OTUD4: variants seen among roughly 807,000 people sequenced by gnomAD.
OTUD4 encodes OTU deubiquitinase 4.
A neutral mutation model predicts 130.4 loss-of-function variants in OTUD4; 24 were observed. The observed-to-expected ratio is 0.18, with a 90% CI of 0.13 to 0.26. The LOEUF is 0.26. Ranked by LOEUF, OTUD4 falls within the 10% of genes least tolerant of loss-of-function variation. OTUD4 has a pLI of 1.00. For synonymous variants in OTUD4, 420 were observed against 472.5 expected (o/e 0.89, Z 1.44); for missense variants, 1,031 against 1,329.4 (o/e 0.78, Z 3.49).
At chr4:145,152,715 GTTC>G (rs1365959252) in intron 10 of OTUD4, 80 bp from the exon 11 acceptor site, 1 of 780,094 alleles carries the variant, frequency 1.3e-6, no homozygotes, top group Non-Finnish European at 2.1e-6. Context: ...GTTTTTTGCG[GTTC>G]TTTTTTTTTT....
intron 13 of OTUD4, 129 bp downstream of exon 13, chr4:145,150,384 C>A: frequency 1.8e-6 from 1 of 570,948 alleles, no homozygotes; most frequent in African/African-American, 1.8e-5. Context: ...ATACAAAATG[C>A]TCTTAATACT....
intron 1 of OTUD4, among the ~76,000 whole-genome samples, chr4:145,176,042 CTTTT>C (rs70956828): frequency 6.9e-6 from 1 of 143,952 alleles, no homozygotes; most frequent in African/African-American, 2.5e-5. Flanking sequence ...TTCTTTCTTT[CTTTT>C]TTTTTTTTCC....
chr4:145,179,064 G>T (rs1162262516), intron 1 of OTUD4, among the ~76,000 whole-genome samples: 1 of 151,460 alleles, frequency 6.6e-6, no homozygotes, highest in Non-Finnish European at 1.5e-5. Flanking sequence ...GAATAAGCTC[G>T]CTCAAAAAAA....
rs1219264284 is a variant in OTUD4 at position 145,137,096 on chromosome 4, A to G, written c.*334T>C. 2 of 193,520 alleles carry G rather than the reference A, an allele frequency of 1.0e-5. No homozygotes were observed. Among genetic ancestry groups the G allele is most frequent in the Non-Finnish European group, 2.1e-5 (2 of 95,104 alleles). 12.0% of individuals were successfully genotyped at this position (193,520 alleles called of 1,614,324 possible). ...CCAACATCTGAAATCAAACTTATAAACTTATAAGGAAAAAAGCCAAACACT... is the reference window on the plus strand; with the variant it reads ...CCAACATCTGAAATCAAACTTATAAGCTTATAAGGAAAAAAGCCAAACACT... On this transcript the variant is annotated 3_prime_UTR_variant, in exon 21 of 21. Transcript: ENST00000447906.
intron 11 of OTUD4, among the ~76,000 whole-genome samples, chr4:145,152,139 T>C (rs912994755): frequency 6.6e-6 from 1 of 152,226 alleles, no homozygotes; most frequent in Non-Finnish European, 1.5e-5. Context: ...TTTTTGTTTT[T>C]TTAAGACGAA....
At chr4:145,160,694 T>C (rs1285187038) in intron 6 of OTUD4, among the ~76,000 whole-genome samples, 1 of 152,090 alleles carries the variant, frequency 6.6e-6, no homozygotes, top group Non-Finnish European at 1.5e-5. Context: ...ACACCTGTAA[T>C]TCCAGCTACG....
At chr4:145,174,552 T>C in intron 2 of OTUD4, 109 bp downstream of exon 2, 1 of 655,082 alleles carries the variant, frequency 1.5e-6, no homozygotes, top group Non-Finnish European at 2.8e-6. Flanking sequence ...AGTGTTATTT[T>C]CATAACCCGC....
At chr4:145,171,563 A>C (rs1241020355) in intron 3 of OTUD4, 107 bp downstream of exon 3, 3 of 611,930 alleles carry the variant, frequency 4.9e-6, no homozygotes. Flanking sequence ...ATACACCGTC[A>C]CTGCAACTCC....
Position 145,155,486 on chromosome 4 carries a change from A to C in OTUD4, c.809-11T>G. ...CACGTTTTTGCTGAGCTGTTAAAAA[A>C]AAAAAGGTCAGTATAATATAAAGTT... is the stretch of plus-strand genomic sequence containing the variant. On this transcript the variant is annotated splice_polypyrimidine_tract_variant and intron_variant, in intron 9 of 20. Coordinates refer to ENST00000447906, the MANE Select transcript of OTUD4 (RefSeq NM_001366057.1). 1 of 1,608,606 alleles carries C rather than the reference A, an allele frequency of 6.2e-7. No individual in the cohort carries two copies. Among genetic ancestry groups the C allele is most frequent in the Non-Finnish European group, 8.5e-7 (1 of 1,178,312 alleles).
chr4:145,149,456 T>G (rs1019519865), intron 13 of OTUD4: 1 of 152,304 alleles, frequency 6.6e-6, no homozygotes, highest in African/African-American at 2.4e-5. Context: ...ACTAAAATAG[T>G]ATTGATAAAT....
chr4:145,137,114 CA>C lies in OTUD4; in HGVS notation c.*315del. The C allele has an allele frequency of 4.8e-6, 1 of 209,666 alleles. No individual in the cohort carries two copies. The highest frequency in any genetic ancestry group is 9.5e-6 in the Non-Finnish European group (1 of 105,546). The allele number at this position is 209,666 out of a possible 1,614,324, so 13.0% of individuals were successfully genotyped here. On this transcript the variant is annotated 3_prime_UTR_variant, in exon 21 of 21. Transcript: ENST00000447906. ...CTTATAAACTTATAAGGAAAAAAGCCAAACACTAAATCTATAATGTTTTATA... is the reference window on the plus strand; with the variant it reads ...CTTATAAACTTATAAGGAAAAAAGCCAACACTAAATCTATAATGTTTTATA...
intron 2 of OTUD4, among the ~76,000 whole-genome samples, chr4:145,172,066 G>A (rs1471227433): frequency 3.3e-5 from 5 of 152,200 alleles, no homozygotes; most frequent in Non-Finnish European, 7.3e-5. Context: ...CACTGTGTTG[G>A]GAAGACAAGC....
chr4:145,134,723 A>T lies in OTUD4; in HGVS notation c.*2707T>A. On this transcript the variant is annotated 3_prime_UTR_variant, in exon 21 of 21. Transcript: ENST00000447906. Reference sequence around the variant, plus strand: ...CACAGATGCCAGCATCCTGCTGCCAAGGAGACATGGGGCAAGAGTTGAAGA... The same window carrying T: ...CACAGATGCCAGCATCCTGCTGCCATGGAGACATGGGGCAAGAGTTGAAGA... 1 of 398,998 alleles carries T rather than the reference A, an allele frequency of 2.5e-6. No homozygotes were observed. Among genetic ancestry groups the T allele is most frequent in the Non-Finnish European group, 4.4e-6 (1 of 226,010 alleles). The allele number at this position is 398,998 out of a possible 1,614,324, so 24.7% of individuals were successfully genotyped here.
intron 13 of OTUD4, among the ~76,000 whole-genome samples, chr4:145,146,764 T>C (rs1050315880): frequency 6.6e-6 from 1 of 152,212 alleles, no homozygotes; most frequent in African/African-American, 2.4e-5. Flanking sequence ...CTGTATATAC[T>C]TGTTATACCA....
chr4:145,162,857 C>T (rs1462545467), intron 5 of OTUD4, 136 bp from the exon 6 acceptor site: 1 of 484,596 alleles, frequency 2.1e-6, no homozygotes, highest in African/African-American at 2.0e-5. Flanking sequence ...TAACCTAAAG[C>T]TTCAGTGTTG....
At position 145,141,458 on chromosome 4, in the gene OTUD4, C is replaced by G. The variant is rs767589647; in HGVS notation, c.2004G>C (p.Gly668=). 6.2e-7 allele frequency: 1 copy of G among 1,613,402 alleles called. No individual in the cohort carries two copies. Among genetic ancestry groups the G allele is most frequent in the Admixed American group, 1.7e-5 (1 of 59,996 alleles). ...GATCTCCCTTTTCATTACAAGGAAA[C>G]CCAGGATAGAGTGGGTCTTGATAAA... is the stretch of plus-strand genomic sequence containing the variant. ...LSLYQDPLYP[G]FPCNEKGDRA... is the part of the protein sequence containing the mutation. The change falls in exon 19 of 21, where the codon GGG becomes GGC. Residue 668 remains glycine (G), a synonymous_variant. Coordinates refer to ENST00000447906, the MANE Select transcript of OTUD4 (RefSeq NM_001366057.1).
At chr4:145,172,613 G>C (rs1054057739) in intron 2 of OTUD4, among the ~76,000 whole-genome samples, 2 of 152,096 alleles carry the variant, frequency 1.3e-5, no homozygotes, top group East Asian at 3.9e-4. Flanking sequence ...AGTCCCAGTT[G>C]ATTTAGCAGA....
In OTUD4 at chr4:145,150,149, A is replaced by C. The variant is rs568258342; in HGVS notation, c.1259+364T>G. On this transcript the variant is annotated intron_variant, in intron 13 of 20. Coordinates refer to ENST00000447906, the MANE Select transcript of OTUD4 (RefSeq NM_001366057.1). Reference sequence around the variant, plus strand: ...TTTGGGCTGTTTTAAGTTCTTGTACAAATGGGAGTATCCTCACCTCCCAAG... The same window carrying C: ...TTTGGGCTGTTTTAAGTTCTTGTACCAATGGGAGTATCCTCACCTCCCAAG... 3.9e-3 allele frequency among the ~76,000 whole-genome samples: 599 copies of C among 152,332 alleles called. 5 individuals carry two copies. Among genetic ancestry groups the C allele is most frequent in the African/African-American group, 0.011 (468 of 41,568 alleles).
At chr4:145,140,053 C>A in intron 19 of OTUD4, 62 bp from the exon 20 acceptor site, 2 of 546,972 alleles carry the variant, frequency 3.7e-6, no homozygotes, top group African/African-American at 2.0e-5. Flanking sequence ...TTAAATCATC[C>A]TCATTAAATA....
Sources: allele counts gnomAD v4.1 joint callset (sites outside exome capture counted in the v4.1 genomes callset), GRCh38; gene constraint gnomAD v4.1.1; transcripts MANE v1.5; gene names NCBI Gene and HGNC (gene_info 2026-07-23, HGNC 2026-07-21).